The following CSMD1 variants were observed in gnomAD, a reference collection of about 807,000 sequenced individuals.
The protein encoded by CSMD1 is CUB and sushi domain-containing protein 1.
In CSMD1, 213 loss-of-function variants were observed where a neutral mutation model predicts 417.5. The observed-to-expected ratio is 0.51, with a 90% CI of 0.46 to 0.57. The LOEUF is 0.57. Ranked by LOEUF, CSMD1 falls within the 20% of genes least tolerant of loss-of-function variation. CSMD1 has a pLI of 0.00. For missense variants in CSMD1, 6,923 were observed against 4,529.7 expected (o/e 1.53, Z -15.17); for synonymous variants, 2,862 against 1,736.8 (o/e 1.65, Z -16.11).
chr8:4,254,527 G>C (rs537209921), intron 3 of CSMD1, among the ~76,000 whole-genome samples: 1 of 152,066 alleles, frequency 6.6e-6, no homozygotes, highest in East Asian at 1.9e-4. Context: ...TAGCCTAAAC[G>C]TATGCTGTTT....
intron 49 of CSMD1, among the ~76,000 whole-genome samples, chr8:3,085,295 C>G (rs958676993): frequency 2.6e-5 from 4 of 152,088 alleles, no homozygotes; most frequent in African/African-American, 9.7e-5. Context: ...AAAACAAAAC[C>G]ATATTGACTC....
intron 29 of CSMD1, among the ~76,000 whole-genome samples, chr8:3,217,793 T>A (rs1159800132): frequency 6.6e-6 from 1 of 152,186 alleles, no homozygotes; most frequent in Non-Finnish European, 1.5e-5. Flanking sequence ...ACCAATTTTC[T>A]ACTTAAAACT....
intron 46 of CSMD1, among the ~76,000 whole-genome samples, chr8:3,101,276 G>T (rs1263907978): frequency 6.6e-6 from 1 of 152,012 alleles, no homozygotes; most frequent in African/African-American, 2.4e-5. Context: ...ACCCTCCTTT[G>T]TGTTTCCAAA....
At position 4,111,776 on chromosome 8, in the gene CSMD1, T is replaced by C. The variant is rs370182884; in HGVS notation, c.416-79677A>G. On this transcript the variant is annotated intron_variant, in intron 3 of 69. Coordinates refer to ENST00000635120, the MANE Select transcript of CSMD1 (RefSeq NM_033225.6). ...ACACACTGGGAACTGTTGTGGGGCA[T>C]AGGGTGAGGGAGAGCATCAGGATAA... Among the ~76,000 whole-genome samples the C allele has an allele frequency of 3.2e-3, 489 of 152,098 alleles. 4 individuals are homozygous for C. Among genetic ancestry groups the C allele is most frequent in the African/African-American group, 0.011 (438 of 41,504 alleles).
At chr8:4,201,040 G>A (rs915577798) in intron 3 of CSMD1, among the ~76,000 whole-genome samples, 2 of 152,096 alleles carry the variant, frequency 1.3e-5, no homozygotes, top group Non-Finnish European at 2.9e-5. Flanking sequence ...CTACAGAGAC[G>A]AATTCAAACA....
intron 11 of CSMD1, among the ~76,000 whole-genome samples, chr8:3,486,342 G>C (rs887700769): frequency 6.6e-6 from 1 of 152,090 alleles, no homozygotes; most frequent in Non-Finnish European, 1.5e-5. Flanking sequence ...AGGGAGTCAG[G>C]GATGGTGCAC....
At chr8:4,564,448 GT>G (rs1329661616) in intron 2 of CSMD1, among the ~76,000 whole-genome samples, 1 of 152,164 alleles carries the variant, frequency 6.6e-6, no homozygotes, top group Non-Finnish European at 1.5e-5. Flanking sequence ...GGGATCTAGT[GT>G]CTGGTGAGGG....
chr8:3,795,001 G>T lies in CSMD1; in HGVS notation c.819-40959C>A, dbSNP rs1178841529. Among the ~76,000 whole-genome samples, 26 of 148,012 alleles carry T rather than the reference G, an allele frequency of 1.8e-4. 8 individuals are homozygous for T. The highest frequency in any genetic ancestry group is 6.7e-4 in the South Asian group (3 of 4,498). ...GATATATATCTATCTATCATGTATA[G>T]CTATAAATACATATCTATCATATAT... On this transcript the variant is annotated intron_variant, in intron 5 of 69. Coordinates refer to ENST00000635120, the MANE Select transcript of CSMD1 (RefSeq NM_033225.6).
intron 23 of CSMD1, among the ~76,000 whole-genome samples, chr8:3,336,933 C>T (rs927249682): frequency 6.6e-6 from 1 of 152,078 alleles, no homozygotes; most frequent in Admixed American, 6.5e-5. Flanking sequence ...TAATGCTCCC[C>T]TAAAAAAAGT....
At chr8:3,643,605 G>A (rs917431772) in intron 7 of CSMD1, among the ~76,000 whole-genome samples, 8 of 151,504 alleles carry the variant, frequency 5.3e-5, no homozygotes, top group East Asian at 2.0e-4. Context: ...GGCGGCTGAG[G>A]CAGGAGAATG....
At chr8:4,951,350 C>A (rs1042254346) in intron 1 of CSMD1, among the ~76,000 whole-genome samples, 6 of 151,886 alleles carry the variant, frequency 4.0e-5, no homozygotes, top group African/African-American at 1.5e-4. Context: ...TGAGCTATCT[C>A]TGCTCTTAAT....
chr8:4,906,048 C>T (rs1332584242), intron 1 of CSMD1, among the ~76,000 whole-genome samples: 1 of 152,048 alleles, frequency 6.6e-6, no homozygotes, highest in Non-Finnish European at 1.5e-5. Flanking sequence ...AAAAAATATA[C>T]TGTAAGAAAC....
intron 7 of CSMD1, among the ~76,000 whole-genome samples, chr8:3,617,993 T>C (rs754525290): frequency 6.6e-6 from 1 of 152,108 alleles, no homozygotes; most frequent in Non-Finnish European, 1.5e-5. Flanking sequence ...AGTAATCATA[T>C]CAAGTTTAGC....
At chr8:3,115,193 A>AT (rs1816788424) in intron 42 of CSMD1, among the ~76,000 whole-genome samples, 2 of 109,122 alleles carry the variant, frequency 1.8e-5, no homozygotes, top group African/African-American at 4.1e-5. Context: ...AACAATTACA[A>AT]TCCCCCCCCC....
chr8:4,748,826 C>A (rs572064928), intron 1 of CSMD1, among the ~76,000 whole-genome samples: 1 of 152,202 alleles, frequency 6.6e-6, no homozygotes, highest in Admixed American at 6.5e-5. Context: ...TATGCCCCTT[C>A]GGGAGAGTTC....
intron 3 of CSMD1, among the ~76,000 whole-genome samples, chr8:4,233,372 T>C (rs1024391465): frequency 6.6e-5 from 10 of 152,218 alleles, no homozygotes; most frequent in African/African-American, 2.4e-4. Flanking sequence ...TCTCAGTGAC[T>C]AAGTACTATG....
At chr8:4,909,016 T>C (rs1278375394) in intron 1 of CSMD1, among the ~76,000 whole-genome samples, 2 of 152,208 alleles carry the variant, frequency 1.3e-5, no homozygotes, top group East Asian at 3.8e-4. Context: ...GGCTGACATG[T>C]ATTGGTTAAT....
chr8:3,111,054 T>C (rs907144013), intron 42 of CSMD1, among the ~76,000 whole-genome samples: 6 of 152,174 alleles, frequency 3.9e-5, no homozygotes, highest in African/African-American at 1.4e-4. Context: ...ATTCATATAG[T>C]GCATCAAAGT....
chr8:4,891,312 A>C (rs548793547), intron 1 of CSMD1, among the ~76,000 whole-genome samples: 15 of 152,294 alleles, frequency 9.8e-5, no homozygotes, highest in Non-Finnish European at 1.5e-5. Flanking sequence ...CTAAGCTAAC[A>C]ATGTAACCTT....
Sources: gnomAD v4.1 joint callset for allele counts (sites outside exome capture counted in the v4.1 genomes callset) on GRCh38, gnomAD v4.1.1 for gene constraint, MANE v1.5 for transcripts, NCBI Gene and HGNC (gene_info 2026-07-23, HGNC 2026-07-21) for gene names.